The following OR5H6 variants were observed in gnomAD, a reference collection of about 807,000 sequenced individuals.
OR5H6 encodes the protein olfactory receptor family 5 subfamily H member 6.
For missense variants in OR5H6, 429 were observed against 358.1 expected (o/e 1.20, Z -1.60); for synonymous variants, 151 against 127.7 (o/e 1.18, Z -1.23).
chr3:98,265,041 G>T lies in OR5H6; in HGVS notation c.709G>T (p.Ala237Ser). 5 of 1,612,846 alleles carry T rather than the reference G, an allele frequency of 3.1e-6. No homozygotes were observed. Among genetic ancestry groups the T allele is most frequent in the Non-Finnish European group, 4.2e-6 (5 of 1,179,456 alleles). Residue 237 changes from alanine to serine, a missense_variant, in exon 1 of 1, where the codon GCT (alanine) becomes TCT (serine). By Grantham distance (99) the Ala-to-Ser change is moderately conservative. Transcript: ENST00000615035. ...GAAGTCTATCAAAGGGATACGAAAA[G>T]CTGTCTCCACCTGTGGGGCTCATCT... is the stretch of plus-strand genomic sequence containing the variant. The part of the protein sequence containing the change: ...EKKSIKGIRK[A>S]VSTCGAHLLS...
In OR5H6 at chr3:98,264,983, T is replaced by G; in HGVS notation, c.651T>G (p.Ser217=). The change falls in exon 1 of 1, where the codon TCT becomes TCG. Residue 217 remains serine (S), a synonymous_variant. Coordinates refer to ENST00000615035, the MANE Select transcript of OR5H6 (RefSeq NM_001005479.2). ...TTACCATTGGAACTATTCTTATATCTTATACAATTATCCTCTTTACAATCT... is the reference window on the plus strand; with the variant it reads ...TTACCATTGGAACTATTCTTATATCGTATACAATTATCCTCTTTACAATCT... The part of the protein sequence containing the change: ...QVFTIGTILI[S]YTIILFTILE... 6.2e-7 allele frequency: 1 copy of G among 1,611,686 alleles called. No individual in the cohort carries two copies. Among genetic ancestry groups the G allele is most frequent in the Non-Finnish European group, 8.5e-7 (1 of 1,178,750 alleles).
chr3:98,265,311 T>C lies in OR5H6; in HGVS notation c.*49T>C. On this transcript the variant is annotated 3_prime_UTR_variant, in exon 1 of 1. Transcript: ENST00000615035. ...ATTTACTAAAATTGTCCCAAGATTG[T>C]GCAAGTTAGAGGTGTCTATGTCTTG... 1 of 1,520,932 alleles carries C rather than the reference T, an allele frequency of 6.6e-7. No individual in the cohort carries two copies. 94.2% of individuals were successfully genotyped at this position (1,520,932 alleles called of 1,614,324 possible).
In OR5H6 at chr3:98,264,795, C is replaced by G; in HGVS notation, c.463C>G (p.His155Asp). 1 of 1,612,418 alleles carries G rather than the reference C, an allele frequency of 6.2e-7. No individual in the cohort carries two copies. ...CTTGTCATTTATAGGTGGCCTTCTT[C>G]ATGCTTTAATCCATGAAGCTTTTTC... The part of the protein sequence containing the change: ...LVLSFIGGLL[H>D]ALIHEAFSFR... Residue 155 changes from histidine (H) to aspartate (D), a missense_variant, in exon 1 of 1, where the codon CAT becomes GAT. His to Asp is a moderately conservative substitution (Grantham distance 81). Coordinates refer to ENST00000615035, the MANE Select transcript of OR5H6 (RefSeq NM_001005479.2).
Position 98,265,062 on chromosome 3 carries a change from C to T in OR5H6, c.730C>T (p.His244Tyr), listed in dbSNP as rs773442828. The T allele has an allele frequency of 6.2e-7, 1 of 1,612,714 alleles. No homozygotes were observed. Among genetic ancestry groups the T allele is most frequent in the South Asian group, 1.1e-5 (1 of 91,016 alleles). ...IRKAVSTCGA[H>Y]LLSVSLYYGP... ...AAAAGCTGTCTCCACCTGTGGGGCT[C>T]ATCTCTTATCTGTATCTTTATACTA... Residue 244 changes from histidine (H) to tyrosine (Y), a missense_variant, in exon 1 of 1, where the codon CAT (histidine) becomes TAT (tyrosine). Coordinates refer to ENST00000615035, the MANE Select transcript of OR5H6 (RefSeq NM_001005479.2).
At position 98,265,184 on chromosome 3, in the gene OR5H6, A is replaced by G. The variant is rs1450359871; in HGVS notation, c.852A>G (p.Leu284=). 3 of 1,610,700 alleles carry G rather than the reference A, an allele frequency of 1.9e-6. No homozygotes were observed. Among genetic ancestry groups the G allele is most frequent in the Admixed American group, 3.4e-5 (2 of 59,452 alleles). The part of the protein sequence containing the change: ...ESLFYTVIVP[L]LNPMIYSLRN... ...TATTTTACACTGTCATAGTTCCTTT[A>G]TTAAATCCCATGATCTACAGCCTGA... is the stretch of plus-strand genomic sequence containing the variant. The change falls in exon 1 of 1, where the codon TTA becomes TTG. Residue 284 remains leucine, a synonymous_variant. Coordinates refer to ENST00000615035, the MANE Select transcript of OR5H6 (RefSeq NM_001005479.2).
Position 98,264,864 on chromosome 3 carries a change from T to C in OR5H6, c.532T>C (p.Tyr178His). 1.9e-6 allele frequency: 3 copies of C among 1,610,794 alleles called. No individual in the cohort carries two copies. The highest frequency in any genetic ancestry group is 2.2e-5 in the South Asian group (2 of 90,688). Residue 178 changes from tyrosine to histidine, a missense_variant, in exon 1 of 1, where the codon TAC (tyrosine) becomes CAC (histidine). Physicochemically the swap from Tyr to His is moderately conservative, Grantham distance 83 (BLOSUM62 2). Transcript: ENST00000615035. ...FCNSNIIQHF[Y>H]CDIIPLLKIS... ...TAATTCCAACATAATACAACACTTT[T>C]ACTGTGACATTATCCCATTGTTAAA...
In OR5H6 at chr3:98,264,872, C is replaced by A. The variant is rs1205365236; in HGVS notation, c.540C>A (p.Asp180Glu). ...NSNIIQHFYCDIIPLLKISCT... is the reference protein window; with the variant it reads ...NSNIIQHFYCEIIPLLKISCT... Reference sequence around the variant, plus strand: ...ACATAATACAACACTTTTACTGTGACATTATCCCATTGTTAAAGATTTCCT... The same window carrying A: ...ACATAATACAACACTTTTACTGTGAAATTATCCCATTGTTAAAGATTTCCT... The change falls in exon 1 of 1, where the codon GAC becomes GAA. Residue 180 changes from aspartate to glutamate, a missense_variant. Coordinates refer to ENST00000615035, the MANE Select transcript of OR5H6 (RefSeq NM_001005479.2). 1.2e-6 allele frequency: 2 copies of A among 1,610,182 alleles called. No homozygotes were observed.
In OR5H6 at chr3:98,264,757, T is replaced by C. The variant is rs148538688; in HGVS notation, c.425T>C (p.Ile142Thr). The C allele has an allele frequency of 8.1e-6, 13 of 1,613,314 alleles. No individual in the cohort carries two copies. In the South Asian group the frequency reaches 1.3e-4, roughly 16 times the overall value. The change falls in exon 1 of 1, where the codon ATT becomes ACT. Residue 142 changes from isoleucine (I) to threonine (T), a missense_variant. Physicochemically the swap from Ile to Thr is moderately conservative, Grantham distance 89. Coordinates refer to ENST00000615035, the MANE Select transcript of OR5H6 (RefSeq NM_001005479.2). ...GTCATTATGACCAATGAACTATGCA[T>C]TCAGCTATTAGTCTTGTCATTTATA... ...YPVIMTNELCIQLLVLSFIGG... is the reference protein window; with the variant it reads ...YPVIMTNELCTQLLVLSFIGG...
Position 98,264,600 on chromosome 3 carries a change from A to G in OR5H6, c.268A>G (p.Lys90Glu), listed in dbSNP as rs763473696. 1.2e-6 allele frequency: 2 copies of G among 1,612,170 alleles called. No homozygotes were observed. The highest frequency in any genetic ancestry group is 1.7e-6 in the Non-Finnish European group (2 of 1,178,338). ...KMLINFLAKS[K>E]MISLSECMVQ... is the part of the protein sequence containing the mutation. ...GCTGATCAACTTCTTAGCTAAGAGTAAGATGATATCTCTCTCTGAATGCAT... is the reference window on the plus strand; with the variant it reads ...GCTGATCAACTTCTTAGCTAAGAGTGAGATGATATCTCTCTCTGAATGCAT... Residue 90 changes from lysine (K) to glutamate (E), a missense_variant, in exon 1 of 1, where the codon AAG becomes GAG. Transcript: ENST00000615035.
In OR5H6 at chr3:98,264,445, C is replaced by T. The variant is rs1320841795; in HGVS notation, c.113C>T (p.Thr38Ile). Residue 38 changes from threonine to isoleucine, a missense_variant, in exon 1 of 1, where the codon ACC becomes ATC. By Grantham distance (89) the Thr-to-Ile change is moderately conservative (BLOSUM62 -1). Coordinates refer to ENST00000615035, the MANE Select transcript of OR5H6 (RefSeq NM_001005479.2). ...FLAFLVIYLI[T>I]IMGNLGLIVL... The stretch of plus-strand genomic sequence containing the variant: ...GCATTCTTGGTAATATATCTCATCA[C>T]CATCATGGGGAATCTTGGTCTAATT... 2 of 1,612,262 alleles carry T rather than the reference C, an allele frequency of 1.2e-6. No individual in the cohort carries two copies. The highest frequency in any genetic ancestry group is 8.5e-7 in the Non-Finnish European group (1 of 1,178,582).
At position 98,264,872 on chromosome 3, in the gene OR5H6, CATT is replaced by C. The variant is rs1705864791; in HGVS notation, c.543_545del (p.Ile182del). 6.2e-7 allele frequency: 1 copy of C among 1,610,062 alleles called. No individual in the cohort carries two copies. Among genetic ancestry groups the C allele is most frequent in the Admixed American group, 1.7e-5 (1 of 59,526 alleles). The stretch of plus-strand genomic sequence containing the variant: ...ACATAATACAACACTTTTACTGTGA[CATT>C]ATCCCATTGTTAAAGATTTCCTGTA... On this transcript the variant is annotated inframe_deletion, in exon 1 of 1. Transcript: ENST00000615035.
Position 98,264,668 on chromosome 3 carries a change from T to G in OR5H6, c.336T>G (p.Cys112Trp). The G allele has an allele frequency of 6.2e-7, 1 of 1,613,134 alleles. No individual in the cohort carries two copies. Among genetic ancestry groups the G allele is most frequent in the Non-Finnish European group, 8.5e-7 (1 of 1,179,214 alleles). ...TTGTAACCACTGTAACCACAGAATG[T>G]TTTCTCTTGGCAACAATGGCATATG... ...FSLVTTVTTE[C>W]FLLATMAYDR... is the part of the protein sequence containing the mutation. The change falls in exon 1 of 1, where the codon TGT becomes TGG. Residue 112 changes from cysteine to tryptophan, a missense_variant. Transcript: ENST00000615035.
Position 98,264,244 on chromosome 3 carries a change from C to G in OR5H6, c.-89C>G, listed in dbSNP as rs758091608. The stretch of plus-strand genomic sequence containing the variant: ...GGCTCGATAATTACATAGTTTATTT[C>G]AACACCTCTTCCCCAATTTCAACTC... On this transcript the variant is annotated 5_prime_UTR_variant, in exon 1 of 1. Transcript: ENST00000615035. 4.5e-6 allele frequency: 7 copies of G among 1,571,786 alleles called. No homozygotes were observed. Among genetic ancestry groups the G allele is most frequent in the Non-Finnish European group, 5.2e-6 (6 of 1,160,570 alleles).
Position 98,265,181 on chromosome 3 carries a change from T to G in OR5H6, c.849T>G (p.Pro283=). The part of the protein sequence containing the change: ...MESLFYTVIV[P]LLNPMIYSLR... ...CTCTATTTTACACTGTCATAGTTCCTTTATTAAATCCCATGATCTACAGCC... is the reference window on the plus strand; with the variant it reads ...CTCTATTTTACACTGTCATAGTTCCGTTATTAAATCCCATGATCTACAGCC... Residue 283 remains proline, a synonymous_variant, in exon 1 of 1, where the codon CCT becomes CCG. Coordinates refer to ENST00000615035, the MANE Select transcript of OR5H6 (RefSeq NM_001005479.2). 1 of 1,611,336 alleles carries G rather than the reference T, an allele frequency of 6.2e-7. No individual in the cohort carries two copies. The highest frequency in any genetic ancestry group is 2.2e-5 in the East Asian group (1 of 44,850).
At position 98,265,191 on chromosome 3, in the gene OR5H6, C is replaced by A. The variant is rs765590709; in HGVS notation, c.859C>A (p.Pro287Thr). Reference sequence around the variant, plus strand: ...CACTGTCATAGTTCCTTTATTAAATCCCATGATCTACAGCCTGAGAAACAA... The same window carrying A: ...CACTGTCATAGTTCCTTTATTAAATACCATGATCTACAGCCTGAGAAACAA... Reference protein sequence around the residue: ...FYTVIVPLLNPMIYSLRNKQV... With the variant: ...FYTVIVPLLNTMIYSLRNKQV... Residue 287 changes from proline (P) to threonine (T), a missense_variant, in exon 1 of 1, where the codon CCC becomes ACC. By Grantham distance (38) the Pro-to-Thr change is conservative. Coordinates refer to ENST00000615035, the MANE Select transcript of OR5H6 (RefSeq NM_001005479.2). 11 of 1,610,266 alleles carry A rather than the reference C, an allele frequency of 6.8e-6. 1 individual carries two copies. The highest frequency in any genetic ancestry group is 1.7e-4 in the Middle Eastern group (1 of 6,032).
In OR5H6 at chr3:98,265,170, G is replaced by C; in HGVS notation, c.838G>C (p.Val280Leu). The C allele has an allele frequency of 6.2e-7, 1 of 1,612,380 alleles. No homozygotes were observed. Among genetic ancestry groups the C allele is most frequent in the South Asian group, 1.1e-5 (1 of 90,750 alleles). The change falls in exon 1 of 1, where the codon GTC (valine) becomes CTC (leucine). Residue 280 changes from valine (V) to leucine (L), a missense_variant. Transcript: ENST00000615035. ...TATGATGGAGTCTCTATTTTACACT[G>C]TCATAGTTCCTTTATTAAATCCCAT... Reference protein sequence around the residue: ...QDMMESLFYTVIVPLLNPMIY... With the variant: ...QDMMESLFYTLIVPLLNPMIY...
Position 98,264,528 on chromosome 3 carries a change from T to C in OR5H6, c.196T>C (p.Leu66=), listed in dbSNP as rs771838264. The C allele has an allele frequency of 1.9e-6, 3 of 1,612,904 alleles. No homozygotes were observed. In the African/African-American group the frequency reaches 4.0e-5, roughly 22 times the overall value. ...HIPMYLFLGS[L]AFVDASLSST... ...CCCAATGTACTTATTCCTTGGGAGTTTAGCCTTTGTGGATGCTTCGTTATC... is the reference window on the plus strand; with the variant it reads ...CCCAATGTACTTATTCCTTGGGAGTCTAGCCTTTGTGGATGCTTCGTTATC... The change falls in exon 1 of 1, where the codon TTA becomes CTA. Residue 66 remains leucine, a synonymous_variant. Transcript: ENST00000615035.
At position 98,264,502 on chromosome 3, in the gene OR5H6, T is replaced by C. The variant is rs1705851473; in HGVS notation, c.170T>C (p.Ile57Thr). ...ATCTGGAAAGACCCTCACCTTCATA[T>C]CCCAATGTACTTATTCCTTGGGAGT... Reference protein sequence around the residue: ...VLIWKDPHLHIPMYLFLGSLA... With the variant: ...VLIWKDPHLHTPMYLFLGSLA... Residue 57 changes from isoleucine (I) to threonine (T), a missense_variant, in exon 1 of 1, where the codon ATC becomes ACC. By Grantham distance (89) the Ile-to-Thr change is moderately conservative. Transcript: ENST00000615035. 1.2e-6 allele frequency: 2 copies of C among 1,612,826 alleles called. No individual in the cohort carries two copies. The highest frequency in any genetic ancestry group is 2.2e-5 in the East Asian group (1 of 44,844).
Position 98,265,085 on chromosome 3 carries a change from C to T in OR5H6, c.753C>T (p.Tyr251=), listed in dbSNP as rs766963049. 6.2e-7 allele frequency: 1 copy of T among 1,612,728 alleles called. No individual in the cohort carries two copies. Among genetic ancestry groups the T allele is most frequent in the Admixed American group, 1.7e-5 (1 of 59,922 alleles). Residue 251 remains tyrosine, a synonymous_variant, in exon 1 of 1, where the codon TAC becomes TAT. Transcript: ENST00000615035. ...CGAHLLSVSL[Y]YGPLTFKYLG... is the part of the protein sequence containing the mutation. ...CTCATCTCTTATCTGTATCTTTATACTATGGCCCCCTCACCTTCAAATATC... is the reference window on the plus strand; with the variant it reads ...CTCATCTCTTATCTGTATCTTTATATTATGGCCCCCTCACCTTCAAATATC...
Sources: allele counts gnomAD v4.1 joint callset, GRCh38; gene constraint gnomAD v4.1.1; transcripts MANE v1.5; gene names NCBI Gene and HGNC (gene_info 2026-07-23, HGNC 2026-07-21).